DYNC1LI1: variants seen among roughly 807,000 people sequenced by gnomAD.
The protein encoded by DYNC1LI1 is cytoplasmic dynein 1 light intermediate chain 1.
DYNC1LI1 carries 19 observed loss-of-function variants against 63.8 expected under a neutral mutation model. The ratio of observed to expected loss-of-function variants is 0.30; its 90% CI spans 0.21 to 0.44. The LOEUF is 0.44. Ranked by LOEUF, DYNC1LI1 falls within the 20% of genes least tolerant of loss-of-function variation. DYNC1LI1 has a pLI of 1.00. For synonymous variants in DYNC1LI1, 225 were observed against 232.3 expected (o/e 0.97, Z 0.28); for missense variants, 565 against 630.2 (o/e 0.90, Z 1.11).
In DYNC1LI1 at chr3:32,540,659, C is replaced by T. The variant is rs183446761; in HGVS notation, c.738+378G>A. ...TTGTTCCATTGTACTCCAGCCTGGG[C>T]AACAAGAGCAAAACTCCGTCTCAAA... On this transcript the variant is annotated intron_variant, in intron 5 of 12. Coordinates refer to ENST00000273130, the MANE Select transcript of DYNC1LI1 (RefSeq NM_016141.4). Among the ~76,000 whole-genome samples, 45 of 107,268 alleles carry T rather than the reference C, an allele frequency of 4.2e-4. 1 individual carries two copies. Among genetic ancestry groups the T allele is most frequent in the African/African-American group, 1.4e-3 (38 of 27,490 alleles). 70.4% of individuals were successfully genotyped at this position (107,268 alleles called of 152,430 possible).
intron 2 of DYNC1LI1, among the ~76,000 whole-genome samples, chr3:32,559,119 C>T (rs1698155625): frequency 1.3e-5 from 2 of 150,942 alleles, no homozygotes; most frequent in African/African-American, 4.9e-5. Context: ...AACTTCTGGG[C>T]TCCAGCAATC....
At chr3:32,538,426 C>A (rs562443275) in intron 5 of DYNC1LI1, among the ~76,000 whole-genome samples, 1 of 151,814 alleles carries the variant, frequency 6.6e-6, no homozygotes, top group South Asian at 2.1e-4. Flanking sequence ...TAAGGCCAGG[C>A]GCGGTGGCTC....
intron 12 of DYNC1LI1, among the ~76,000 whole-genome samples, chr3:32,527,858 T>C (rs974283060): frequency 4.0e-5 from 6 of 151,876 alleles, no homozygotes; most frequent in African/African-American, 1.4e-4. Flanking sequence ...TGGTGGCTCA[T>C]GTCTGTAATC....
intron 2 of DYNC1LI1, among the ~76,000 whole-genome samples, chr3:32,562,513 A>AT (rs951373853): frequency 2.0e-5 from 3 of 151,850 alleles, no homozygotes; most frequent in African/African-American, 7.3e-5. Context: ...TATTTAAAAA[A>AT]TTTTTTTTGT....
chr3:32,570,679 G>A lies in DYNC1LI1; in HGVS notation c.92C>T (p.Ala31Val). The A allele has an allele frequency of 6.2e-7, 1 of 1,606,020 alleles. No individual in the cohort carries two copies. The change falls in exon 1 of 13, where the codon GCG becomes GTG. Residue 31 changes from alanine to valine, a missense_variant. Coordinates refer to ENST00000273130, the MANE Select transcript of DYNC1LI1 (RefSeq NM_016141.4). ...TGCCGCGGCGCCACCGTTGCCCGAC[G>A]CTATCTCGTTGCCCAAGGGGCCGCC... The part of the protein sequence containing the change: ...YTGGPLGNEI[A>V]SGNGGAAAGD...
chr3:32,537,997 T>A lies in DYNC1LI1; in HGVS notation c.739-893A>T, dbSNP rs986084857. ...ATTTATATATAATATATATATATAA[T>A]TTATATATATAATATATATATATAA... is the stretch of plus-strand genomic sequence containing the variant. On this transcript the variant is annotated intron_variant, in intron 5 of 12. Coordinates refer to ENST00000273130, the MANE Select transcript of DYNC1LI1 (RefSeq NM_016141.4). 5.9e-3 allele frequency among the ~76,000 whole-genome samples: 299 copies of A among 50,984 alleles called. 46 individuals carry two copies. In the East Asian group the frequency reaches 0.14, roughly 23 times the overall value. 33.4% of individuals were successfully genotyped at this position (50,984 alleles called of 152,430 possible). A position where few individuals can be genotyped will look rare whatever the true frequency, so the allele number is the denominator to read the frequency against.
chr3:32,541,888 G>A (rs938593483), intron 4 of DYNC1LI1, among the ~76,000 whole-genome samples: 12 of 152,270 alleles, frequency 7.9e-5, no homozygotes, highest in Middle Eastern at 3.4e-3. Context: ...GGATTTCCAC[G>A]TAACTCTTTT....
At chr3:32,530,665 G>GC in intron 8 of DYNC1LI1, 145 bp from the exon 9 acceptor site, 1 of 711,718 alleles carries the variant, frequency 1.4e-6, no homozygotes, top group South Asian at 1.9e-5. Flanking sequence ...TGCGTGAGCT[G>GC]CCCTACCCAA....
At chr3:32,544,451 C>T (rs2125437508) in intron 4 of DYNC1LI1, among the ~76,000 whole-genome samples, 1 of 152,212 alleles carries the variant, frequency 6.6e-6, no homozygotes, top group South Asian at 2.1e-4. Flanking sequence ...TAAAACCTAG[C>T]ACATCATCTA....
At chr3:32,569,683 T>C (rs1002506073) in intron 2 of DYNC1LI1, among the ~76,000 whole-genome samples, 8 of 152,134 alleles carry the variant, frequency 5.3e-5, no homozygotes, top group African/African-American at 1.9e-4. Flanking sequence ...AGAAACAGAA[T>C]ACACAACTTC....
At chr3:32,533,877 C>CTTTTT in intron 7 of DYNC1LI1, among the ~76,000 whole-genome samples, 1 of 130,474 alleles carries the variant, frequency 7.7e-6, no homozygotes, top group Non-Finnish European at 1.6e-5. Flanking sequence ...AGGTAACTTT[C>CTTTTT]TTTTTTTTTT....
intron 2 of DYNC1LI1, among the ~76,000 whole-genome samples, chr3:32,564,324 A>T (rs1698231764): frequency 3.3e-5 from 5 of 152,264 alleles, no homozygotes; most frequent in African/African-American, 1.2e-4. Context: ...TAAATAAACA[A>T]ACAAACAAGC....
At chr3:32,533,243 TTTTAC>T in intron 7 of DYNC1LI1, 146 bp from the exon 8 acceptor site, 1 of 1,303,464 alleles carries the variant, frequency 7.7e-7, no homozygotes, top group Non-Finnish European at 9.8e-7. Flanking sequence ...GATGTCCACG[TTTTAC>T]TAATTTCTAC....
intron 2 of DYNC1LI1, among the ~76,000 whole-genome samples, chr3:32,548,118 CATT>C (rs756929498): frequency 6.6e-6 from 1 of 151,974 alleles, no homozygotes; most frequent in Non-Finnish European, 1.5e-5. Flanking sequence ...GAAGGTTCAT[CATT>C]ATGTTAAATC....
chr3:32,567,700 G>A (rs9813482), intron 2 of DYNC1LI1, among the ~76,000 whole-genome samples: 4 of 146,470 alleles, frequency 2.7e-5, no homozygotes, highest in African/African-American at 5.1e-5. Flanking sequence ...CATCATACCC[G>A]GCCTTTTTTT....
chr3:32,540,508 C>T (rs920184860), intron 5 of DYNC1LI1, among the ~76,000 whole-genome samples: 1 of 151,488 alleles, frequency 6.6e-6, no homozygotes, highest in South Asian at 2.1e-4. Flanking sequence ...GGTGAAAGCC[C>T]GTCTCTACTA....
chr3:32,538,691 G>A (rs935084057), intron 5 of DYNC1LI1, among the ~76,000 whole-genome samples: 1 of 151,122 alleles, frequency 6.6e-6, no homozygotes, highest in Non-Finnish European at 1.5e-5. Context: ...ACAGTGCAAG[G>A]CTCCATATAA....
intron 4 of DYNC1LI1, 57 bp downstream of exon 4, chr3:32,544,819 A>G (rs979181723): frequency 1.1e-5 from 14 of 1,253,626 alleles, no homozygotes; most frequent in Middle Eastern, 3.7e-4. Context: ...CTAATGATTA[A>G]AGTCAGCCAA....
chr3:32,539,267 C>T lies in DYNC1LI1; in HGVS notation c.738+1770G>A, dbSNP rs529317007. Among the ~76,000 whole-genome samples the T allele has an allele frequency of 2.0e-4, 30 of 152,142 alleles. No individual in the cohort carries two copies. In the South Asian group the frequency reaches 3.7e-3, roughly 19 times the overall value. On this transcript the variant is annotated intron_variant, in intron 5 of 12. Transcript: ENST00000273130. ...ACTTTAACTTAATTATTTTAAGTGC[C>T]GTCACTCCATTCCTTTGTTATGGAT... is the stretch of plus-strand genomic sequence containing the variant.
Sources: allele counts gnomAD v4.1 joint callset (sites outside exome capture counted in the v4.1 genomes callset), GRCh38; gene constraint gnomAD v4.1.1; transcripts MANE v1.5; gene names NCBI Gene and HGNC (gene_info 2026-07-23, HGNC 2026-07-21).